CADPS2: variants seen among roughly 807,000 people sequenced by gnomAD.
CADPS2 encodes calcium-dependent secretion activator 2.
A neutral mutation model predicts 172.5 loss-of-function variants in CADPS2; 93 were observed. The ratio of observed to expected loss-of-function variants is 0.54; its 90% CI spans 0.46 to 0.64. The LOEUF is 0.64. Among genes scored for constraint, CADPS2 ranks in the 30% least tolerant of loss-of-function variants. The pLI, the probability that CADPS2 is intolerant of heterozygous loss-of-function variation, is 0.00. For synonymous variants in CADPS2, 546 were observed against 555.2 expected (o/e 0.98, Z 0.23); for missense variants, 1,420 against 1,565.9 (o/e 0.91, Z 1.57).
intron 1 of CADPS2, among the ~76,000 whole-genome samples, chr7:122,785,302 A>C (rs1793757996): frequency 6.6e-6 from 1 of 152,114 alleles, no homozygotes; most frequent in Non-Finnish European, 1.5e-5. Flanking sequence ...AGATTGTATG[A>C]TTTTGTATAC....
rs2089099779 is a variant in CADPS2 at position 122,713,484 on chromosome 7, C to G, written c.453+23471G>C. ...GAGCACTACTTGGCTCATACACAAA[C>G]TGATGTGTGTTCACTGCCAGCACCC... On this transcript the variant is annotated intron_variant, in intron 2 of 29. Transcript: ENST00000449022. Among the ~76,000 whole-genome samples, 3 of 152,112 alleles carry G rather than the reference C, an allele frequency of 2.0e-5. No individual in the cohort carries two copies. The South Asian group carries it at 6.2e-4, about 32-fold the overall frequency.
chr7:122,679,277 G>GGGGGGGC (rs869229827), intron 2 of CADPS2, among the ~76,000 whole-genome samples: 9 of 104,504 alleles, frequency 8.6e-5, no homozygotes, highest in Non-Finnish European at 1.5e-4. Context: ...GGGGGGGGGG[G>GGGGGGGC]CTCTAAAATG....
intron 3 of CADPS2, among the ~76,000 whole-genome samples, chr7:122,644,961 AG>A (rs2078142591): frequency 1.3e-5 from 2 of 152,074 alleles, no homozygotes. Context: ...AACAGTTATA[AG>A]GGTCTTAAAA....
chr7:122,488,421 G>T (rs2058028536), intron 11 of CADPS2, among the ~76,000 whole-genome samples: 1 of 152,210 alleles, frequency 6.6e-6, no homozygotes, highest in Admixed American at 6.5e-5. Flanking sequence ...CATAGCTGGG[G>T]AATACCCAAC....
intron 29 of CADPS2, among the ~76,000 whole-genome samples, chr7:122,324,440 A>C (rs1401197742): frequency 4.6e-5 from 7 of 152,186 alleles, no homozygotes; most frequent in East Asian, 1.9e-4. Flanking sequence ...TTCATGTATT[A>C]GAACCATCTG....
Position 122,840,532 on chromosome 7 carries a change from A to C in CADPS2, c.339+45467T>G, listed in dbSNP as rs1044351685. Among the ~76,000 whole-genome samples the C allele has an allele frequency of 3.4e-5, 5 of 145,182 alleles. 1 individual carries two copies. In the South Asian group the frequency reaches 6.8e-4, roughly 20 times the overall value. On this transcript the variant is annotated intron_variant, in intron 1 of 29. Transcript: ENST00000449022. ...TAAATTGTGAATTATTTTTTAATTA[A>C]ACACTTTCTATTTTTAAATGCAAAA...
chr7:122,511,818 G>T (rs2130803788), intron 9 of CADPS2, among the ~76,000 whole-genome samples: 1 of 152,204 alleles, frequency 6.6e-6, no homozygotes, highest in East Asian at 1.9e-4. Flanking sequence ...ATATCCATAA[G>T]ATATAAATGT....
intron 7 of CADPS2, among the ~76,000 whole-genome samples, chr7:122,563,552 C>T (rs1260245650): frequency 6.6e-6 from 1 of 152,082 alleles, no homozygotes; most frequent in African/African-American, 2.4e-5. Context: ...AATTTTATAT[C>T]GCCCCCCTCA....
rs193075706 is a variant in CADPS2, at chr7:122,357,583, A to G, written c.3504+3205T>C. 3.3e-5 allele frequency among the ~76,000 whole-genome samples: 5 copies of G among 152,314 alleles called. No individual in the cohort carries two copies. In the East Asian group the frequency reaches 9.6e-4, roughly 29 times the overall value. On this transcript the variant is annotated intron_variant, in intron 27 of 29. Transcript: ENST00000449022. ...ACAGTGTCATGTATCTACCATTACA[A>G]TATCATACAGAATAGTTGCTGTGTT...
chr7:122,885,280 CA>C (rs893699744), intron 1 of CADPS2, among the ~76,000 whole-genome samples: 2 of 151,936 alleles, frequency 1.3e-5, no homozygotes, highest in Non-Finnish European at 2.9e-5. Flanking sequence ...TTTTGTTCCC[CA>C]AAAAAGCATT....
intron 14 of CADPS2, among the ~76,000 whole-genome samples, chr7:122,455,437 A>G (rs1036543741): frequency 1.3e-4 from 20 of 151,582 alleles, no homozygotes; most frequent in Non-Finnish European, 2.2e-4. Flanking sequence ...AAAATGTTTT[A>G]TTGATGGCCA....
At chr7:122,803,974 G>GAAAAAAAAAAAAAAA (rs869246600) in intron 1 of CADPS2, among the ~76,000 whole-genome samples, 8 of 85,132 alleles carry the variant, frequency 9.4e-5, no homozygotes, top group African/African-American at 3.0e-4. Context: ...GGCTTGAATG[G>GAAAAAAAAAAAAAAA]AAAAAAAAAA....
intron 1 of CADPS2, among the ~76,000 whole-genome samples, chr7:122,804,335 T>C (rs1193554258): frequency 2.0e-5 from 3 of 152,328 alleles, no homozygotes; most frequent in South Asian, 2.1e-4. Flanking sequence ...GACTAGCACG[T>C]TGCATTTTTC....
At chr7:122,729,564 AC>A (rs1205373233) in intron 2 of CADPS2, among the ~76,000 whole-genome samples, 1 of 151,524 alleles carries the variant, frequency 6.6e-6, no homozygotes, top group Non-Finnish European at 1.5e-5. Flanking sequence ...AGCCATTCTA[AC>A]TGAGGTGGGA....
intron 1 of CADPS2, among the ~76,000 whole-genome samples, chr7:122,878,445 G>A (rs1040709343): frequency 2.6e-5 from 4 of 151,688 alleles, no homozygotes; most frequent in African/African-American, 9.7e-5. Context: ...AACGTCAGGA[G>A]ATCGAGACCA....
chr7:122,395,075 T>C (rs932644393), intron 20 of CADPS2, among the ~76,000 whole-genome samples: 4 of 152,222 alleles, frequency 2.6e-5, no homozygotes, highest in African/African-American at 4.8e-5. Flanking sequence ...ATATTCACTA[T>C]GACAACTTCC....
In CADPS2 at chr7:122,351,372, CAAAAAAAAAAAA is replaced by C. The variant is rs398048049; in HGVS notation, c.3505-5703_3505-5692del. On this transcript the variant is annotated intron_variant, in intron 27 of 29. Transcript: ENST00000449022. ...TGGGTGACAGAGCGAGACTCCGTCT[CAAAAAAAAAAAA>C]AAAAAAAAAAAAAAAAAAATTCCAA... Among the ~76,000 whole-genome samples, 139 of 28,932 alleles carry C rather than the reference CAAAAAAAAAAAA, an allele frequency of 4.8e-3. 3 individuals carry two copies. Among genetic ancestry groups the C allele is most frequent in the Non-Finnish European group, 5.7e-3 (103 of 18,064 alleles). The allele number at this position is 28,932 out of a possible 152,430, so 19.0% of individuals were successfully genotyped here. A position where few individuals can be genotyped will look rare whatever the true frequency, so the allele number is the denominator to read the frequency against.
chr7:122,526,137 T>A (rs2131165717), intron 8 of CADPS2, among the ~76,000 whole-genome samples: 1 of 152,204 alleles, frequency 6.6e-6, no homozygotes, highest in African/African-American at 2.4e-5. Context: ...ATTTCTGCAG[T>A]TGCTCACATG....
chr7:122,369,147 T>G (rs914054625), intron 25 of CADPS2, among the ~76,000 whole-genome samples: 1 of 86,516 alleles, frequency 1.2e-5, no homozygotes, highest in African/African-American at 4.9e-5. Context: ...CCCCCCTTTT[T>G]TTTTTTTTGA....
Sources: gnomAD v4.1 joint callset for allele counts (sites outside exome capture counted in the v4.1 genomes callset) on GRCh38, gnomAD v4.1.1 for gene constraint, MANE v1.5 for transcripts, NCBI Gene and HGNC (gene_info 2026-07-23, HGNC 2026-07-21) for gene names.